Variants in PXYLP1 observed in about 807,000 individuals in gnomAD.
PXYLP1 encodes the protein 2-phosphoxylose phosphatase 1.
In PXYLP1, 17 loss-of-function variants were observed where a neutral mutation model predicts 37.9. The ratio of observed to expected loss-of-function variants is 0.45; its 90% CI spans 0.31 to 0.67. PXYLP1 has a LOEUF of 0.67. Among genes scored for constraint, PXYLP1 ranks in the 30% least tolerant of loss-of-function variants. The probability of loss-of-function intolerance (pLI) is 0.07; values close to 1 mark genes in which losing one functional copy is unlikely to be tolerated. For missense variants in PXYLP1, 511 were observed against 612.0 expected, an observed-to-expected ratio of 0.84 and a Z score of 1.74; for synonymous variants, 221 against 232.2, an observed-to-expected ratio of 0.95 and a Z score of 0.44.
At chr3:141,285,081 G>T (rs1942039286) in intron 4 of PXYLP1, among the ~76,000 whole-genome samples, 1 of 151,250 alleles carries the variant, frequency 6.6e-6, no homozygotes, top group South Asian at 2.1e-4. Context: ...GAGTTACCTG[G>T]TCTGCTTTCC....
chr3:141,253,609 T>A (rs1044122438), intron 1 of PXYLP1, among the ~76,000 whole-genome samples: 17 of 151,774 alleles, frequency 1.1e-4, no homozygotes, highest in African/African-American at 4.1e-4. Context: ...ACTGGTTTGA[T>A]AGAGCCTAGT....
intron 2 of PXYLP1, among the ~76,000 whole-genome samples, chr3:141,276,997 G>A (rs925544572): frequency 2.0e-5 from 3 of 152,050 alleles, no homozygotes; most frequent in African/African-American, 7.2e-5. Context: ...TTGGCCATTG[G>A]TATTTATTTT....
rs1941385740 is a variant in PXYLP1 at position 141,261,134 on chromosome 3, T to G, written c.79+880T>G. ...TCCTTGAACCTGTCTCCCTCCCTCC[T>G]TCCCTTCCTTCCTTCCCCCGTTTTT... On this transcript the variant is annotated intron_variant, in intron 2 of 5. Transcript: ENST00000286353. 3.9e-5 allele frequency among the ~76,000 whole-genome samples: 6 copies of G among 152,302 alleles called. No individual in the cohort carries two copies. In the South Asian group the frequency reaches 1.2e-3, roughly 32 times the overall value.
intron 1 of PXYLP1, among the ~76,000 whole-genome samples, chr3:141,252,819 G>C (rs1941172367): frequency 6.6e-6 from 1 of 152,224 alleles, no homozygotes; most frequent in South Asian, 2.1e-4. Context: ...AAGACAGGCT[G>C]TTTTTCAGGA....
intron 1 of PXYLP1, among the ~76,000 whole-genome samples, chr3:141,239,895 C>A (rs1940754064): frequency 6.6e-6 from 1 of 152,220 alleles, no homozygotes; most frequent in Non-Finnish European, 1.5e-5. Context: ...ATCTGTAAAG[C>A]TTTGGCCTTT....
Position 141,262,664 on chromosome 3 carries a change from G to A in PXYLP1, c.79+2410G>A, listed in dbSNP as rs1279275725. On this transcript the variant is annotated intron_variant, in intron 2 of 5. Coordinates refer to ENST00000286353, the MANE Select transcript of PXYLP1 (RefSeq NM_001037172.3). ...GTCTGGGTCTGAGCTCTTTATTCTT[G>A]GATACGTTGGAGATCGGAAAGATAT... 2.6e-6 allele frequency: 4 copies of A among 1,530,338 alleles called. No individual in the cohort carries two copies. The South Asian group carries it at 4.8e-5, about 19-fold the overall frequency. 94.8% of individuals were successfully genotyped at this position (1,530,338 alleles called of 1,614,324 possible). A position where few individuals can be genotyped will look rare whatever the true frequency, so the allele number is the denominator to read the frequency against.
At chr3:141,290,658 G>C (rs1942181275) in intron 5 of PXYLP1, among the ~76,000 whole-genome samples, 1 of 152,132 alleles carries the variant, frequency 6.6e-6, no homozygotes. Flanking sequence ...GCCCTAAATA[G>C]CTAGAACTTT....
At chr3:141,266,279 G>A (rs1000678720) in intron 2 of PXYLP1, among the ~76,000 whole-genome samples, 7 of 152,160 alleles carry the variant, frequency 4.6e-5, no homozygotes, top group African/African-American at 1.7e-4. Context: ...TGAAAAACCA[G>A]ACTCTGCAGC....
chr3:141,292,224 T>C lies in PXYLP1; in HGVS notation c.506-44T>C. On this transcript the variant is annotated intron_variant, in intron 5 of 5. Coordinates refer to ENST00000286353, the MANE Select transcript of PXYLP1 (RefSeq NM_001037172.3). The surrounding 1 kb of genome is among the most constrained non-coding windows in gnomAD (Gnocchi z 4.3). ...CTCCACCTCCCCTTGCTGTTTCTTTTGCTCAGCTGGAAGTAAGGTAAGCTT... is the reference window on the plus strand; with the variant it reads ...CTCCACCTCCCCTTGCTGTTTCTTTCGCTCAGCTGGAAGTAAGGTAAGCTT... The C allele has an allele frequency of 1.3e-6, 2 of 1,532,850 alleles. No homozygotes were observed. Among genetic ancestry groups the C allele is most frequent in the Non-Finnish European group, 1.8e-6 (2 of 1,140,762 alleles). The allele number at this position is 1,532,850 out of a possible 1,614,324, so 95.0% of individuals were successfully genotyped here.
At chr3:141,271,625 A>G (rs1368538361) in intron 2 of PXYLP1, among the ~76,000 whole-genome samples, 3 of 152,190 alleles carry the variant, frequency 2.0e-5, no homozygotes, top group Non-Finnish European at 4.4e-5. Context: ...CTGATACCCA[A>G]CTGTAATCTG....
chr3:141,293,385 T>A lies in PXYLP1; in HGVS notation c.*180T>A. The A allele has an allele frequency of 1.5e-6, 1 of 648,992 alleles. No homozygotes were observed. The highest frequency in any genetic ancestry group is 2.6e-6 in the Non-Finnish European group (1 of 386,344). The allele number at this position is 648,992 out of a possible 1,614,324, so 40.2% of individuals were successfully genotyped here. A position where few individuals can be genotyped will look rare whatever the true frequency, so the allele number is the denominator to read the frequency against. On this transcript the variant is annotated 3_prime_UTR_variant, in exon 6 of 6. Transcript: ENST00000286353. ...AAGCACATTGCTGCAATGTGGTACG[T>A]GAATTGCTTGGTACAAAATGGCCAG...
chr3:141,290,937 A>G (rs1347575342), intron 5 of PXYLP1, among the ~76,000 whole-genome samples: 1 of 152,192 alleles, frequency 6.6e-6, no homozygotes, highest in Non-Finnish European at 1.5e-5. Flanking sequence ...CTAGGGTGAG[A>G]CACGGAATCT....
intron 1 of PXYLP1, among the ~76,000 whole-genome samples, chr3:141,233,488 C>T (rs966217243): frequency 1.4e-5 from 2 of 147,234 alleles, no homozygotes; most frequent in African/African-American, 5.0e-5. Context: ...AAAAAAAACC[C>T]TCGTGGTCCC....
At chr3:141,264,880 C>T (rs1168820245) in intron 2 of PXYLP1, among the ~76,000 whole-genome samples, 1 of 152,202 alleles carries the variant, frequency 6.6e-6, no homozygotes, top group Non-Finnish European at 1.5e-5. Flanking sequence ...ACACCCAGAA[C>T]AGTACCTGGC....
chr3:141,233,386 A>G (rs1330954677), intron 1 of PXYLP1, among the ~76,000 whole-genome samples: 1 of 148,350 alleles, frequency 6.7e-6, no homozygotes, highest in African/African-American at 2.5e-5. Flanking sequence ...AATCGCTTGC[A>G]CCTGGGAGGC....
At chr3:141,241,594 G>A (rs969667638) in intron 1 of PXYLP1, among the ~76,000 whole-genome samples, 2 of 152,224 alleles carry the variant, frequency 1.3e-5, no homozygotes, top group African/African-American at 4.8e-5. Flanking sequence ...GGCCAAGAGA[G>A]TGGAATGGGC....
intron 2 of PXYLP1, among the ~76,000 whole-genome samples, chr3:141,269,339 G>A (rs1941607264): frequency 6.6e-6 from 1 of 152,158 alleles, no homozygotes; most frequent in African/African-American, 2.4e-5. Context: ...CTCTGGCAGG[G>A]CACATATATA....
chr3:141,256,322 A>G (rs1488770854), intron 1 of PXYLP1, among the ~76,000 whole-genome samples: 6 of 152,232 alleles, frequency 3.9e-5, no homozygotes, highest in Non-Finnish European at 8.8e-5. Context: ...AGGTGGAGCC[A>G]GTTGTCAAGA....
intron 1 of PXYLP1, among the ~76,000 whole-genome samples, chr3:141,241,277 C>T (rs143004720): frequency 1.3e-3 from 193 of 152,266 alleles, no homozygotes; most frequent in Non-Finnish European, 2.3e-3. Flanking sequence ...CTATTCCGTC[C>T]GCAGCATTCT....
Sources: gnomAD v4.1 joint callset for allele counts (sites outside exome capture counted in the v4.1 genomes callset) on GRCh38, gnomAD v4.1.1 for gene constraint, Gnocchi (gnomAD v3.1) non-coding constraint, MANE v1.5 for transcripts, NCBI Gene and HGNC (gene_info 2026-07-23, HGNC 2026-07-21) for gene names.